The following B3GAT2 variants were observed in gnomAD, a reference collection of about 807,000 sequenced individuals.
The protein encoded by B3GAT2 is beta-1,3-glucuronyltransferase 2.
In B3GAT2, 26 loss-of-function variants were observed where a neutral mutation model predicts 27.8. The ratio of observed to expected loss-of-function variants is 0.93; its 90% CI spans 0.68 to 1.30. The LOEUF is 1.30. Ranked by LOEUF, B3GAT2 falls within the 50% of genes most tolerant of loss-of-function variation. B3GAT2 has a pLI of 0.00. For synonymous variants in B3GAT2, 218 were observed against 195.1 expected (o/e 1.12, Z -0.98); for missense variants, 458 against 459.0 (o/e 1.00, Z 0.02).
At chr6:70,940,903 T>C (rs1448234737) in intron 1 of B3GAT2, among the ~76,000 whole-genome samples, 1 of 152,138 alleles carries the variant, frequency 6.6e-6, no homozygotes, top group Non-Finnish European at 1.5e-5. Context: ...CTGAGCTACA[T>C]GTAAGTCAAC....
rs543690372 is a variant in B3GAT2, at chr6:70,949,753, A to G, written c.591+6086T>C. Among the ~76,000 whole-genome samples, 905 of 151,982 alleles carry G rather than the reference A, an allele frequency of 6.0e-3. 5 individuals carry two copies. Among genetic ancestry groups the G allele is most frequent in the Middle Eastern group, 0.034 (10 of 292 alleles). The stretch of plus-strand genomic sequence containing the variant: ...CATGCTGCTATAAAGACACATGCAC[A>G]TGTATGTTTATTGCGGCACTATTCA... On this transcript the variant is annotated intron_variant, in intron 1 of 3. Coordinates refer to ENST00000230053, the MANE Select transcript of B3GAT2 (RefSeq NM_080742.3).
chr6:70,894,566 A>G (rs1772347425), intron 1 of B3GAT2, among the ~76,000 whole-genome samples: 1 of 152,136 alleles, frequency 6.6e-6, no homozygotes. Context: ...ACTATCAGAT[A>G]TTTTCCTATT....
chr6:70,859,377 T>C lies in B3GAT2; in HGVS notation c.*2286A>G. On this transcript the variant is annotated 3_prime_UTR_variant, in exon 4 of 4. Transcript: ENST00000230053. ...TCTCCAGCACTCCATCAGTGCAATC[T>C]ACTGGCCAATGACAAGGTGGTTAAA... is the stretch of plus-strand genomic sequence containing the variant. 1 of 1,549,560 alleles carries C rather than the reference T, an allele frequency of 6.5e-7. No homozygotes were observed. Among genetic ancestry groups the C allele is most frequent in the Non-Finnish European group, 8.7e-7 (1 of 1,146,526 alleles).
At position 70,915,253 on chromosome 6, in the gene B3GAT2, G is replaced by GT. The variant is rs144855838; in HGVS notation, c.592-20982dup. ...CCTTTGCCCACTTTTTGATGCAGTG[G>GT]TTTTTTTTTTCTTGTAAATTTGTTT... On this transcript the variant is annotated intron_variant, in intron 1 of 3. Coordinates refer to ENST00000230053, the MANE Select transcript of B3GAT2 (RefSeq NM_080742.3). 4.3e-4 allele frequency among the ~76,000 whole-genome samples: 64 copies of GT among 149,242 alleles called. 1 individual carries two copies. The highest frequency in any genetic ancestry group is 1.1e-3 in the African/African-American group (45 of 40,794).
intron 2 of B3GAT2, 138 bp from the exon 3 acceptor site, chr6:70,862,116 G>T: frequency 1.4e-6 from 1 of 737,370 alleles, no homozygotes; most frequent in Non-Finnish European, 2.2e-6. Flanking sequence ...AAGTTGAATA[G>T]GAACATTACC....
intron 1 of B3GAT2, among the ~76,000 whole-genome samples, chr6:70,946,637 C>T (rs1251461619): frequency 6.6e-6 from 1 of 152,134 alleles, no homozygotes; most frequent in Non-Finnish European, 1.5e-5. Context: ...TAATGGGAGA[C>T]TTTAACACCC....
Position 70,857,901 on chromosome 6 carries a change from C to A in B3GAT2, c.*3762G>T. 2 of 1,609,966 alleles carry A rather than the reference C, an allele frequency of 1.2e-6. No individual in the cohort carries two copies. Among genetic ancestry groups the A allele is most frequent in the Admixed American group, 1.7e-5 (1 of 59,798 alleles). ...TACACGTGATAGCTCTGTCTTCATT[C>A]ATTTTCTTTTTGTGGTGCAGGTGTA... On this transcript the variant is annotated 3_prime_UTR_variant, in exon 4 of 4. Coordinates refer to ENST00000230053, the MANE Select transcript of B3GAT2 (RefSeq NM_080742.3).
chr6:70,924,078 CA>C (rs1293638492), intron 1 of B3GAT2, among the ~76,000 whole-genome samples: 1 of 152,018 alleles, frequency 6.6e-6, no homozygotes, highest in Non-Finnish European at 1.5e-5. Context: ...CTGACATCAC[CA>C]CTATACAATC....
chr6:70,927,863 C>G (rs1164447307), intron 1 of B3GAT2, among the ~76,000 whole-genome samples: 1 of 152,146 alleles, frequency 6.6e-6, no homozygotes, highest in Admixed American at 6.5e-5. Flanking sequence ...AACTCTCCAC[C>G]CAAAATTAAC....
At chr6:70,874,475 C>G (rs1771982302) in intron 2 of B3GAT2, among the ~76,000 whole-genome samples, 1 of 152,174 alleles carries the variant, frequency 6.6e-6, no homozygotes, top group Admixed American at 6.5e-5. Context: ...CACAGGGGCT[C>G]ACAGTACTAA....
intron 1 of B3GAT2, among the ~76,000 whole-genome samples, chr6:70,945,324 A>C (rs923721436): frequency 1.3e-5 from 2 of 152,182 alleles, no homozygotes; most frequent in African/African-American, 4.8e-5. Context: ...AAAAACTTTG[A>C]AAAAAATTTA....
intron 2 of B3GAT2, among the ~76,000 whole-genome samples, chr6:70,875,494 G>C (rs923946033): frequency 6.6e-6 from 1 of 152,162 alleles, no homozygotes; most frequent in Non-Finnish European, 1.5e-5. Context: ...TAATTTTCAT[G>C]GCTCTAAGAC....
chr6:70,915,224 A>G (rs933299417), intron 1 of B3GAT2, among the ~76,000 whole-genome samples: 1 of 151,406 alleles, frequency 6.6e-6, no homozygotes, highest in Non-Finnish European at 1.5e-5. Flanking sequence ...GTGTCTGTTC[A>G]TATCCTTTGC....
chr6:70,858,338 G>A lies in B3GAT2; in HGVS notation c.*3325C>T, dbSNP rs16869513. The A allele has an allele frequency of 6.5e-3, 5,973 of 919,878 alleles. 302 individuals are homozygous for A. In the African/African-American group the frequency reaches 0.11, roughly 17 times the overall value. 57.0% of individuals were successfully genotyped at this position (919,878 alleles called of 1,614,324 possible). On this transcript the variant is annotated 3_prime_UTR_variant, in exon 4 of 4. Coordinates refer to ENST00000230053, the MANE Select transcript of B3GAT2 (RefSeq NM_080742.3). The stretch of plus-strand genomic sequence containing the variant: ...TTTAAGTCTAGTGATCTGGCAGAAA[G>A]AATTCAATAGGGATAATATGTTATA...
At chr6:70,898,399 T>A (rs893305284) in intron 1 of B3GAT2, among the ~76,000 whole-genome samples, 7 of 152,040 alleles carry the variant, frequency 4.6e-5, no homozygotes, top group Admixed American at 1.3e-4. Flanking sequence ...CCCCCCCACC[T>A]CCCCAACTCA....
chr6:70,954,589 T>A (rs921930260), intron 1 of B3GAT2, among the ~76,000 whole-genome samples: 1 of 152,226 alleles, frequency 6.6e-6, no homozygotes, highest in Non-Finnish European at 1.5e-5. Context: ...TTAGGGTATC[T>A]GATGACCAGA....
chr6:70,894,293 T>C (rs1427484728), intron 1 of B3GAT2, 21 bp from the exon 2 acceptor site: 1 of 1,554,800 alleles, frequency 6.4e-7, no homozygotes, highest in Middle Eastern at 1.7e-4. Flanking sequence ...GGAAAAGACA[T>C]GTGTTTTAAG....
Position 70,860,881 on chromosome 6 carries a change from G to GAAGAT in B3GAT2, c.*777_*781dup. 1 of 392,426 alleles carries GAAGAT rather than the reference G, an allele frequency of 2.5e-6. No homozygotes were observed. Among genetic ancestry groups the GAAGAT allele is most frequent in the Non-Finnish European group, 4.5e-6 (1 of 222,270 alleles). The allele number at this position is 392,426 out of a possible 1,614,324, so 24.3% of individuals were successfully genotyped here. On this transcript the variant is annotated 3_prime_UTR_variant, in exon 4 of 4. Coordinates refer to ENST00000230053, the MANE Select transcript of B3GAT2 (RefSeq NM_080742.3). ...TAACAGGGAACGTGATTAGTGAAAG[G>GAAGAT]AAGATAAACGTGGATGTTACTCCAA... is the stretch of plus-strand genomic sequence containing the variant.
intron 2 of B3GAT2, among the ~76,000 whole-genome samples, chr6:70,887,920 A>G (rs1772216413): frequency 6.6e-6 from 1 of 151,664 alleles, no homozygotes; most frequent in Admixed American, 6.6e-5. Context: ...GAACAAGAAT[A>G]GTAAGGTGGG....
Sources: gnomAD v4.1 joint callset for allele counts (sites outside exome capture counted in the v4.1 genomes callset) on GRCh38, gnomAD v4.1.1 for gene constraint, MANE v1.5 for transcripts, NCBI Gene and HGNC (gene_info 2026-07-23, HGNC 2026-07-21) for gene names.